VIRMA: variants seen among roughly 807,000 people sequenced by gnomAD.
The protein encoded by VIRMA is protein virilizer homolog.
In VIRMA, 65 loss-of-function variants were observed where a neutral mutation model predicts 182.4. The observed-to-expected ratio is 0.36, with a 90% CI of 0.29 to 0.44. VIRMA has a LOEUF of 0.44. Ranked by LOEUF, VIRMA falls within the 20% of genes least tolerant of loss-of-function variation. The pLI is 1.00. For missense variants in VIRMA, 1,752 were observed against 2,158.1 expected, an observed-to-expected ratio of 0.81 and a Z score of 3.73; for synonymous variants, 709 against 743.1, an observed-to-expected ratio of 0.95 and a Z score of 0.75.
At chr8:94,505,882 C>T (rs1434633847) in intron 16 of VIRMA, among the ~76,000 whole-genome samples, 1 of 151,920 alleles carries the variant, frequency 6.6e-6, no homozygotes, top group Non-Finnish European at 1.5e-5. Context: ...TCTGCATCCA[C>T]GGATTCCACC....
rs1586079293 is a variant in VIRMA, at chr8:94,510,914, G to T, written c.3391-262C>A. 8 of 1,181,274 alleles carry T rather than the reference G, an allele frequency of 6.8e-6. No homozygotes were observed. In the East Asian group the frequency reaches 1.9e-4, roughly 28 times the overall value. 73.2% of individuals were successfully genotyped at this position (1,181,274 alleles called of 1,614,324 possible). On this transcript the variant is annotated intron_variant, in intron 13 of 23. Coordinates refer to ENST00000297591, the MANE Select transcript of VIRMA (RefSeq NM_015496.5). ...CAAATTCTAACACATGGTAAGGTGT[G>T]GGGGAAAGGATTTAAAATAACAGAA... is the stretch of plus-strand genomic sequence containing the variant.
intron 10 of VIRMA, 42 bp from the exon 11 acceptor site, chr8:94,514,993 C>CT (rs764159157): frequency 1.1e-4 from 102 of 964,238 alleles, no homozygotes; most frequent in Non-Finnish European, 1.4e-4. Context: ...AAATAGAAGG[C>CT]TTTATAACAA....
chr8:94,548,965 A>C (rs1273713806), intron 1 of VIRMA, among the ~76,000 whole-genome samples: 2 of 98,976 alleles, frequency 2.0e-5, no homozygotes, highest in Non-Finnish European at 4.1e-5. Flanking sequence ...TATGTTGCCC[A>C]GGCTGTCCTC....
rs763858846 is a variant in VIRMA, at chr8:94,526,968, C to T, written c.1276G>A (p.Asp426Asn). The change falls in exon 8 of 24, where the codon GAC becomes AAC. Residue 426 changes from aspartate (D) to asparagine (N), a missense_variant. Physicochemically the swap from Asp to Asn is conservative, Grantham distance 23 (BLOSUM62 1). This residue lies in a region of VIRMA where 401 missense variants were observed against 455.1 expected (regional missense o/e 0.88). Coordinates refer to ENST00000297591, the MANE Select transcript of VIRMA (RefSeq NM_015496.5). Reference sequence around the variant, plus strand: ...CAGTCTACCAACTGGCCAAGGGAGTCTTGTTTTGTGTTTTTCAATTGCAAA... The same window carrying T: ...CAGTCTACCAACTGGCCAAGGGAGTTTTGTTTTGTGTTTTTCAATTGCAAA... ...SYLQLKNTKQ[D>N]SLGQLVDWTM... The T allele has an allele frequency of 6.2e-7, 1 of 1,614,180 alleles. No homozygotes were observed. Among genetic ancestry groups the T allele is most frequent in the Non-Finnish European group, 8.5e-7 (1 of 1,180,024 alleles).
rs563745251 is a variant in VIRMA, at chr8:94,512,620, T to C, written c.2752-531A>G. 2.7e-3 allele frequency among the ~76,000 whole-genome samples: 418 copies of C among 152,064 alleles called. 1 individual carries two copies. The highest frequency in any genetic ancestry group is 6.8e-3 in the Middle Eastern group (2 of 294). The stretch of plus-strand genomic sequence containing the variant: ...AGTGAGACCCTGCCTCTACAAAATA[T>C]TAAAAAATCAGCCAGGCATGACGGT... On this transcript the variant is annotated intron_variant, in intron 11 of 23. Transcript: ENST00000297591.
chr8:94,535,136 A>T (rs79863325), intron 4 of VIRMA, 129 bp from the exon 5 acceptor site: 60,861 of 1,372,190 alleles, frequency 0.044, 1,491 homozygotes, highest in Non-Finnish European at 0.049. Context: ...CAAAGTCAAC[A>T]CAAAGTGAAA....
intron 1 of VIRMA, chr8:94,547,014 C>T (rs1193197831): frequency 2.2e-6 from 1 of 455,324 alleles, no homozygotes; most frequent in Admixed American, 2.4e-5. Flanking sequence ...TCTGCCCCAA[C>T]TCCTTTTACA....
chr8:94,550,555 G>A (rs1324019249), intron 1 of VIRMA, among the ~76,000 whole-genome samples: 1 of 152,140 alleles, frequency 6.6e-6, no homozygotes, highest in Non-Finnish European at 1.5e-5. Flanking sequence ...GCCTCCCAAA[G>A]TGCTGGGATT....
At chr8:94,553,023 G>A (rs1816058996) in intron 1 of VIRMA, among the ~76,000 whole-genome samples, 1 of 152,124 alleles carries the variant, frequency 6.6e-6, no homozygotes, top group Admixed American at 6.5e-5. Context: ...TCAGACTCCG[G>A]CACTACTGTC....
At chr8:94,512,369 A>G (rs1814409503) in intron 11 of VIRMA, 1 of 172,058 alleles carries the variant, frequency 5.8e-6, no homozygotes, top group Admixed American at 6.3e-5. Context: ...TAGAACAAAG[A>G]TAACATAAAG....
At chr8:94,549,560 A>C (rs898182369) in intron 1 of VIRMA, among the ~76,000 whole-genome samples, 3 of 152,206 alleles carry the variant, frequency 2.0e-5, no homozygotes, top group African/African-American at 7.2e-5. Context: ...TACCATTTTT[A>C]ACTACCCTAT....
chr8:94,489,210 G>A (rs1396056809), intron 23 of VIRMA, among the ~76,000 whole-genome samples: 5 of 152,154 alleles, frequency 3.3e-5, no homozygotes, highest in East Asian at 1.9e-4. Flanking sequence ...AATATATGCT[G>A]TATAAAGGTA....
chr8:94,537,611 A>G (rs781749496), intron 3 of VIRMA, among the ~76,000 whole-genome samples: 6 of 152,170 alleles, frequency 3.9e-5, no homozygotes, highest in Non-Finnish European at 5.9e-5. Context: ...TTAATAATAA[A>G]TAAGAGAGGG....
Position 94,495,790 on chromosome 8 carries a change from G to A in VIRMA, c.4485C>T (p.Asp1495=), listed in dbSNP as rs1387483240. 6.2e-7 allele frequency: 1 copy of A among 1,613,854 alleles called. No homozygotes were observed. The highest frequency in any genetic ancestry group is 2.2e-5 in the East Asian group (1 of 44,858). Residue 1495 remains aspartate, a synonymous_variant, in exon 19 of 24, where the codon GAC becomes GAT. Transcript: ENST00000297591. ...CTGAAAGTACTGGTTCTACATCCTG[G>A]TCACTGAGAGGTAAAGGGTCACCTG... ...ESSGDPLPLS[D]QDVEPVLSAP... is the part of the protein sequence containing the mutation.
At chr8:94,537,026 T>C in intron 4 of VIRMA, 77 bp downstream of exon 4, 1 of 960,890 alleles carries the variant, frequency 1.0e-6, no homozygotes, top group Non-Finnish European at 1.7e-6. Flanking sequence ...GCAACACTGA[T>C]TTATGTGGAT....
At position 94,488,848 on chromosome 8, in the gene VIRMA, C is replaced by T. The variant is rs769309215; in HGVS notation, c.5297G>A (p.Ser1766Asn). 3.7e-6 allele frequency: 6 copies of T among 1,613,622 alleles called. No homozygotes were observed. The highest frequency in any genetic ancestry group is 5.1e-6 in the Non-Finnish European group (6 of 1,179,790). The change falls in exon 24 of 24, where the codon AGT (serine) becomes AAT (asparagine). Residue 1766 changes from serine (S) to asparagine (N), a missense_variant. Ser to Asn is a conservative substitution (Grantham distance 46). Coordinates refer to ENST00000297591, the MANE Select transcript of VIRMA (RefSeq NM_015496.5). ...RPLSSTGYRP[S>N]PRDRASRGRG... Reference sequence around the variant, plus strand: ...ACCTCTAGAAGCACGGTCCCGAGGACTTGGGCGGTAACCTGTAAAAGAAAG... The same window carrying T: ...ACCTCTAGAAGCACGGTCCCGAGGATTTGGGCGGTAACCTGTAAAAGAAAG...
rs1322307154 is a variant in VIRMA, at chr8:94,512,052, A to T, written c.2789T>A (p.Leu930His). 1 of 1,524,774 alleles carries T rather than the reference A, an allele frequency of 6.6e-7. No homozygotes were observed. The highest frequency in any genetic ancestry group is 2.0e-5 in the Admixed American group (1 of 50,908). 94.5% of individuals were successfully genotyped at this position (1,524,774 alleles called of 1,614,324 possible). The part of the protein sequence containing the change: ...DNLMTPEGVG[L>H]TTALRVLCNV... ...ACAGAGAACACGTAAGGCAGTGGTA[A>T]GGCCAACTCCTTCTGGGGTCATCAA... is the stretch of plus-strand genomic sequence containing the variant. Residue 930 changes from leucine to histidine, a missense_variant, in exon 12 of 24, where the codon CTT becomes CAT. Coordinates refer to ENST00000297591, the MANE Select transcript of VIRMA (RefSeq NM_015496.5).
intron 10 of VIRMA, 50 bp downstream of exon 10, chr8:94,517,738 T>C (rs748008567): frequency 7.5e-7 from 1 of 1,339,588 alleles, no homozygotes; most frequent in East Asian, 2.5e-5. Flanking sequence ...TATTCAAAGG[T>C]TTGTTCCTTC....
chr8:94,507,995 A>G (rs887621205), intron 15 of VIRMA, among the ~76,000 whole-genome samples: 5 of 150,006 alleles, frequency 3.3e-5, no homozygotes, highest in African/African-American at 9.8e-5. Context: ...GTGTATATAT[A>G]TAAGTATATA....
Sources: gnomAD v4.1 joint callset for allele counts (sites outside exome capture counted in the v4.1 genomes callset) on GRCh38, gnomAD v4.1.1 for gene constraint, gnomAD v4.1.1 regional missense constraint, MANE v1.5 for transcripts, NCBI Gene and HGNC (gene_info 2026-07-23, HGNC 2026-07-21) for gene names.